LYPD6B: variants seen among roughly 807,000 people sequenced by gnomAD.
The protein encoded by LYPD6B is ly6/PLAUR domain-containing protein 6B.
LYPD6B carries 17 observed loss-of-function variants against 22.8 expected under a neutral mutation model. The observed-to-expected ratio is 0.75, with a 90% confidence interval of 0.51 to 1.12. LYPD6B has a LOEUF of 1.12. Ranked by LOEUF, LYPD6B falls within the 50% of genes most tolerant of loss-of-function variation. The probability of loss-of-function intolerance (pLI) is 0.00; values close to 1 mark genes in which losing one functional copy is unlikely to be tolerated. For synonymous variants in LYPD6B, 106 were observed against 91.6 expected, an observed-to-expected ratio of 1.16 and a Z score of -0.90; for missense variants, 221 against 258.3, an observed-to-expected ratio of 0.86 and a Z score of 0.99.
intron 2 of LYPD6B, among the ~76,000 whole-genome samples, chr2:149,149,694 A>G (rs920974747): frequency 1.3e-5 from 2 of 152,126 alleles, no homozygotes; most frequent in Non-Finnish European, 2.9e-5. Flanking sequence ...ACCCTGCTTC[A>G]TTCCCTGTGT....
chr2:149,067,921 C>G (rs1004934748), intron 1 of LYPD6B, among the ~76,000 whole-genome samples: 16 of 152,084 alleles, frequency 1.1e-4, no homozygotes, highest in Non-Finnish European at 4.4e-5. Flanking sequence ...TGGAAGAATG[C>G]GTGACCACCC....
At chr2:149,178,797 T>A (rs922248681) in intron 3 of LYPD6B, among the ~76,000 whole-genome samples, 3 of 152,172 alleles carry the variant, frequency 2.0e-5, no homozygotes, top group Non-Finnish European at 4.4e-5. Flanking sequence ...AGCCAGTGGG[T>A]CTTGTCAATA....
At chr2:149,159,012 T>G (rs1189791224) in intron 2 of LYPD6B, among the ~76,000 whole-genome samples, 1 of 152,196 alleles carries the variant, frequency 6.6e-6, no homozygotes, top group East Asian at 1.9e-4. Flanking sequence ...TTCCAGAAAT[T>G]CTAACTTTTA....
chr2:149,196,873 G>A (rs113933350), intron 3 of LYPD6B, among the ~76,000 whole-genome samples: 4 of 152,144 alleles, frequency 2.6e-5, no homozygotes, highest in East Asian at 1.9e-4. Context: ...CTTACACACC[G>A]AGTGACCCTG....
intron 2 of LYPD6B, among the ~76,000 whole-genome samples, chr2:149,134,823 G>C (rs900686056): frequency 6.6e-6 from 1 of 152,194 alleles, no homozygotes; most frequent in Non-Finnish European, 1.5e-5. Context: ...TTTGGAACTG[G>C]TGTGCTGGAA....
intron 2 of LYPD6B, among the ~76,000 whole-genome samples, chr2:149,132,694 G>C (rs1575031644): frequency 6.6e-6 from 1 of 152,124 alleles, no homozygotes; most frequent in Non-Finnish European, 1.5e-5. Context: ...GCTTGGCCCT[G>C]CCCCATTAAA....
intron 1 of LYPD6B, among the ~76,000 whole-genome samples, chr2:149,079,196 G>A (rs1288653477): frequency 1.3e-5 from 2 of 152,008 alleles, no homozygotes; most frequent in Non-Finnish European, 2.9e-5. Context: ...TTCTCCAAGG[G>A]TCTAACTTTG....
chr2:149,039,581 C>T (rs1433622192), intron 1 of LYPD6B, among the ~76,000 whole-genome samples: 8 of 152,168 alleles, frequency 5.3e-5, no homozygotes, highest in Non-Finnish European at 8.8e-5. Flanking sequence ...GCCTCAGTTC[C>T]CTTAAAGTAA....
At chr2:149,057,983 A>G (rs1198405315) in intron 1 of LYPD6B, among the ~76,000 whole-genome samples, 1 of 152,172 alleles carries the variant, frequency 6.6e-6, no homozygotes, top group East Asian at 1.9e-4. Context: ...AGGCAGGGAA[A>G]GTATGGAGGT....
At chr2:149,065,158 G>A (rs1195525844) in intron 1 of LYPD6B, among the ~76,000 whole-genome samples, 2 of 152,134 alleles carry the variant, frequency 1.3e-5, no homozygotes, top group African/African-American at 4.8e-5. Context: ...GTCTCCTTAC[G>A]AGTGATAGAT....
chr2:149,077,034 C>T (rs1202404767), intron 1 of LYPD6B, among the ~76,000 whole-genome samples: 2 of 152,188 alleles, frequency 1.3e-5, no homozygotes, highest in Non-Finnish European at 2.9e-5. Context: ...GCCCCACATG[C>T]ACTCCTGGTA....
chr2:149,068,392 T>A (rs1303284454), intron 1 of LYPD6B, among the ~76,000 whole-genome samples: 2 of 152,200 alleles, frequency 1.3e-5, no homozygotes, highest in Admixed American at 1.3e-4. Flanking sequence ...GAAACTAAAG[T>A]AGCAAACAAG....
intron 2 of LYPD6B, chr2:149,143,902 T>C (rs1221087813): frequency 6.6e-6 from 1 of 152,176 alleles, no homozygotes; most frequent in Non-Finnish European, 1.5e-5. Context: ...AAGGATTCTG[T>C]GGTTTTTCTA....
At chr2:149,196,864 T>G (rs1007748657) in intron 3 of LYPD6B, among the ~76,000 whole-genome samples, 30 of 152,214 alleles carry the variant, frequency 2.0e-4, no homozygotes, top group African/African-American at 7.2e-4. Context: ...AGCCATCACC[T>G]TACACACCGA....
chr2:149,187,503 C>G, intron 3 of LYPD6B: 3 of 1,506,128 alleles, frequency 2.0e-6, no homozygotes, highest in Non-Finnish European at 2.7e-6. Context: ...ATATTTTCAG[C>G]TGAATATTGG....
chr2:149,085,568 A>G (rs573212556), intron 1 of LYPD6B, among the ~76,000 whole-genome samples: 15 of 152,206 alleles, frequency 9.9e-5, no homozygotes, highest in Non-Finnish European at 2.1e-4. Flanking sequence ...ATAAGAGTTG[A>G]GTCCTTTAAA....
At chr2:149,212,212 C>T (rs974544670) in intron 5 of LYPD6B, among the ~76,000 whole-genome samples, 3 of 149,230 alleles carry the variant, frequency 2.0e-5, no homozygotes, top group Non-Finnish European at 4.4e-5. Flanking sequence ...CCCGTCTCTA[C>T]TAAAAATCAA....
intron 1 of LYPD6B, among the ~76,000 whole-genome samples, chr2:149,105,339 C>T (rs1686420874): frequency 6.6e-6 from 1 of 152,034 alleles, no homozygotes. Context: ...CTGTTGCTTT[C>T]TACAAAATAA....
chr2:149,060,990 G>C lies in LYPD6B; in HGVS notation c.-67+22189G>C, dbSNP rs531018427. Among the ~76,000 whole-genome samples the C allele has an allele frequency of 7.9e-5, 12 of 152,204 alleles. 1 individual carries two copies. In the South Asian group the frequency reaches 2.3e-3, roughly 29 times the overall value. ...TACAGTCATTTAGAACTTAACCTTT[G>C]GGCCTAGCAAATGTGTTCTTTCTCT... On this transcript the variant is annotated intron_variant, in intron 1 of 6. Transcript: ENST00000409642.
Sources: gnomAD v4.1 joint callset for allele counts (sites outside exome capture counted in the v4.1 genomes callset) on GRCh38, gnomAD v4.1.1 for gene constraint, MANE v1.5 for transcripts, NCBI Gene and HGNC (gene_info 2026-07-23, HGNC 2026-07-21) for gene names.